Variants in MAGI1 observed in about 807,000 individuals in gnomAD.
The protein encoded by MAGI1 is membrane associated guanylate kinase, WW and PDZ domain containing 1.
A neutral mutation model predicts 139.9 loss-of-function variants in MAGI1; 58 were observed. That is an observed-to-expected ratio of 0.41 (90% confidence interval 0.34 to 0.52). The LOEUF (loss-of-function observed/expected upper bound fraction) is 0.52, where lower values mean the gene tolerates loss of function less well. MAGI1 is among the 20% of genes least tolerant of loss of function. The pLI, the probability that MAGI1 is intolerant of heterozygous loss-of-function variation, is 0.12. For synonymous variants in MAGI1, 812 were observed against 737.9 expected (o/e 1.10, Z -1.63); for missense variants, 1,874 against 1,901.6 (o/e 0.99, Z 0.27).
At chr3:65,362,155 C>G (rs1940929099) in intron 21 of MAGI1, among the ~76,000 whole-genome samples, 1 of 152,122 alleles carries the variant, frequency 6.6e-6, no homozygotes, top group African/African-American at 2.4e-5. Context: ...CTTTAACTTC[C>G]TGGAGTCTAC....
At chr3:65,665,109 T>A (rs1255391876) in intron 1 of MAGI1, among the ~76,000 whole-genome samples, 1 of 152,120 alleles carries the variant, frequency 6.6e-6, no homozygotes, top group Non-Finnish European at 1.5e-5. Context: ...ATGCTATCAA[T>A]CTAAAGCAAG....
chr3:65,444,433 G>A (rs1948542602), intron 7 of MAGI1, among the ~76,000 whole-genome samples: 1 of 150,576 alleles, frequency 6.6e-6, no homozygotes, highest in Admixed American at 6.7e-5. Flanking sequence ...CAGAAGGGTG[G>A]GTGGATGTGA....
intron 1 of MAGI1, among the ~76,000 whole-genome samples, chr3:65,921,919 G>GACACACACACACACACACAC (rs35532734): frequency 2.1e-4 from 30 of 140,840 alleles, no homozygotes; most frequent in African/African-American, 6.9e-4. Context: ...CCACACACAC[G>GACACACACACACACACACAC]ACACACACAC....
At chr3:66,016,852 G>A (rs1380775568) in intron 1 of MAGI1, among the ~76,000 whole-genome samples, 1 of 152,216 alleles carries the variant, frequency 6.6e-6, no homozygotes, top group Admixed American at 6.5e-5. Flanking sequence ...CAGCGTGGAT[G>A]AATCTTGAGG....
Position 65,936,921 on chromosome 3 carries a change from G to T in MAGI1, c.313+101075C>A, listed in dbSNP as rs562359944. 8.6e-4 allele frequency among the ~76,000 whole-genome samples: 129 copies of T among 149,730 alleles called. 1 individual carries two copies. Among genetic ancestry groups the T allele is most frequent in the Admixed American group, 3.4e-3 (49 of 14,538 alleles). ...TTCAAAGTTGTTGTTGTTGTTGTTG[G>T]TGGTGGTGGTGGTGATGGTGGTGGT... On this transcript the variant is annotated intron_variant, in intron 1 of 22. Coordinates refer to ENST00000402939, the MANE Select transcript of MAGI1 (RefSeq NM_001033057.2).
At chr3:65,765,247 G>A (rs2037371135) in intron 1 of MAGI1, among the ~76,000 whole-genome samples, 1 of 152,160 alleles carries the variant, frequency 6.6e-6, no homozygotes, top group Non-Finnish European at 1.5e-5. Context: ...CCTACTTATA[G>A]GTCTGGTTTT....
At chr3:65,578,022 G>T (rs2081250277) in intron 2 of MAGI1, among the ~76,000 whole-genome samples, 1 of 152,148 alleles carries the variant, frequency 6.6e-6, no homozygotes, top group South Asian at 2.1e-4. Flanking sequence ...ATGCAATGCT[G>T]TCCGCCCCTT....
At chr3:65,673,454 AATAG>A (rs1256550975) in intron 1 of MAGI1, among the ~76,000 whole-genome samples, 5 of 152,214 alleles carry the variant, frequency 3.3e-5, no homozygotes, top group African/African-American at 1.2e-4. Context: ...ATTCGGGTTA[AATAG>A]ATAATTTGTT....
chr3:65,562,865 G>C (rs573787406), intron 2 of MAGI1, among the ~76,000 whole-genome samples: 346 of 152,240 alleles, frequency 2.3e-3, no homozygotes, highest in Non-Finnish European at 3.5e-3. Flanking sequence ...AACACACACA[G>C]TGTTCATTCT....
At chr3:66,032,379 TTTTTTG>T (rs1406789825) in intron 1 of MAGI1, among the ~76,000 whole-genome samples, 2 of 137,034 alleles carry the variant, frequency 1.5e-5, no homozygotes, top group Non-Finnish European at 3.1e-5. Context: ...CCCGGCTAAT[TTTTTTG>T]TTTTTTTTTT....
intron 2 of MAGI1, among the ~76,000 whole-genome samples, chr3:65,614,472 G>A (rs2083272521): frequency 6.6e-6 from 1 of 152,036 alleles, no homozygotes; most frequent in African/African-American, 2.4e-5. Context: ...TACTTCAAAA[G>A]ATTAAGAGGA....
intron 1 of MAGI1, among the ~76,000 whole-genome samples, chr3:65,981,539 G>C (rs1272693232): frequency 1.3e-5 from 2 of 152,138 alleles, no homozygotes; most frequent in Non-Finnish European, 2.9e-5. Flanking sequence ...TATTATATGA[G>C]AGACTGTATT....
chr3:65,845,760 G>A (rs2058971380), intron 1 of MAGI1, among the ~76,000 whole-genome samples: 2 of 152,136 alleles, frequency 1.3e-5, no homozygotes. Flanking sequence ...AGCCACACCT[G>A]TCTCGACCTT....
chr3:65,622,202 C>T, intron 1 of MAGI1, 114 bp from the exon 2 acceptor site: 3 of 767,234 alleles, frequency 3.9e-6, no homozygotes, highest in Non-Finnish European at 6.9e-6. Context: ...CCTGCCACCC[C>T]TAGTCATTAG....
At chr3:65,789,600 T>G (rs2039622629) in intron 1 of MAGI1, among the ~76,000 whole-genome samples, 1 of 152,116 alleles carries the variant, frequency 6.6e-6, no homozygotes, top group Non-Finnish European at 1.5e-5. Context: ...CTAAGGAAAA[T>G]TCAGAAATAA....
chr3:65,865,238 T>A (rs1265252610), intron 1 of MAGI1, among the ~76,000 whole-genome samples: 2 of 152,118 alleles, frequency 1.3e-5, no homozygotes, highest in Non-Finnish European at 2.9e-5. Flanking sequence ...TTTTACCAAA[T>A]AAATAGTCTA....
At chr3:65,452,933 T>C (rs1949127163) in intron 6 of MAGI1, 1 of 237,118 alleles carries the variant, frequency 4.2e-6, no homozygotes, top group African/African-American at 2.2e-5. Flanking sequence ...AGACCGTCTT[T>C]GGTTTCTTTA....
At chr3:65,859,898 T>G (rs28811102) in intron 1 of MAGI1, among the ~76,000 whole-genome samples, 21,134 of 136,422 alleles carry the variant, frequency 0.15, 1,597 homozygotes, top group African/African-American at 0.19. Context: ...TTGTTTGTTT[T>G]TGTTTTTGTT....
chr3:65,360,965 GAAAGGGGGCTAT>G, intron 22 of MAGI1: 1 of 1,425,974 alleles, frequency 7.0e-7, no homozygotes, highest in Non-Finnish European at 9.2e-7. Flanking sequence ...CTGATTATCA[GAAAGGGGGCTAT>G]AAAGATCTTG....
Sources: gnomAD v4.1 joint callset for allele counts (sites outside exome capture counted in the v4.1 genomes callset) on GRCh38, gnomAD v4.1.1 for gene constraint, MANE v1.5 for transcripts, NCBI Gene and HGNC (gene_info 2026-07-23, HGNC 2026-07-21) for gene names.